The following IFT140 variants were observed in gnomAD, a reference collection of about 807,000 sequenced individuals.
The protein encoded by IFT140 is intraflagellar transport 140, also known as intraflagellar transport protein 140 homolog.
In IFT140, 133 loss-of-function variants were observed where a neutral mutation model predicts 164.6. That is an observed-to-expected ratio of 0.81 (90% CI 0.70 to 0.93). The LOEUF (loss-of-function observed/expected upper bound fraction) is 0.93. Among genes scored for constraint, IFT140 ranks in the 40% least tolerant of loss-of-function variants. The pLI is 0.00. For missense variants in IFT140, 2,045 were observed against 1,972.3 expected (o/e 1.04, Z -0.70); for synonymous variants, 860 against 817.3 (o/e 1.05, Z -0.89).
chr16:1,557,766 T>C (rs2141462468), intron 19 of IFT140, 169 bp downstream of exon 19: 1 of 683,160 alleles, frequency 1.5e-6, no homozygotes. Context: ...CCACGTGGCA[T>C]CTGCAAGCTG....
intron 3 of IFT140, among the ~76,000 whole-genome samples, chr16:1,606,917 C>G (rs980256539): frequency 2.6e-5 from 4 of 151,942 alleles, no homozygotes; most frequent in African/African-American, 9.7e-5. Flanking sequence ...TGCACACACC[C>G]ACGTGTGCGC....
intron 18 of IFT140, among the ~76,000 whole-genome samples, chr16:1,559,444 G>A (rs963401023): frequency 1.3e-5 from 2 of 152,128 alleles, no homozygotes; most frequent in Admixed American, 6.5e-5. Flanking sequence ...AGAGCTGCTG[G>A]ACCCGGATCC....
At chr16:1,528,463 A>C (rs914690974) in intron 19 of IFT140, among the ~76,000 whole-genome samples, 3 of 151,810 alleles carry the variant, frequency 2.0e-5, no homozygotes, top group African/African-American at 7.3e-5. Context: ...ATGCACACAC[A>C]CATGGATGCA....
intron 2 of IFT140, among the ~76,000 whole-genome samples, chr16:1,608,423 G>A (rs2036180614): frequency 6.6e-6 from 1 of 151,778 alleles, no homozygotes; most frequent in South Asian, 2.1e-4. Context: ...GAGCTTAGGA[G>A]TTCGAGACCA....
At chr16:1,546,885 G>A (rs550712699) in intron 19 of IFT140, among the ~76,000 whole-genome samples, 134 of 152,370 alleles carry the variant, frequency 8.8e-4, no homozygotes, top group African/African-American at 3.1e-3. Context: ...CCCCAGGGCA[G>A]CTGTGCTGTC....
intron 24 of IFT140, chr16:1,524,240 G>A (rs1286969471): frequency 8.3e-6 from 5 of 602,174 alleles, no homozygotes; most frequent in Admixed American, 3.2e-5. Context: ...GGTGCAGAAC[G>A]CCCAACAGCT....
At chr16:1,575,442 G>C (rs1440155352) in intron 13 of IFT140, among the ~76,000 whole-genome samples, 1 of 151,856 alleles carries the variant, frequency 6.6e-6, no homozygotes, top group Non-Finnish European at 1.5e-5. Context: ...ATGGTCCCAC[G>C]CTCAGGAGGC....
intron 4 of IFT140, among the ~76,000 whole-genome samples, chr16:1,599,894 C>T (rs1270575523): frequency 1.3e-4 from 14 of 103,998 alleles, no homozygotes; most frequent in African/African-American, 4.7e-4. Flanking sequence ...TCTGCCCGGC[C>T]GCCCCTACTG....
chr16:1,537,037 C>A (rs2031144198), intron 19 of IFT140, among the ~76,000 whole-genome samples: 1 of 152,248 alleles, frequency 6.6e-6, no homozygotes, highest in Non-Finnish European at 1.5e-5. Flanking sequence ...CCAGCCAGCT[C>A]CTAGCGTCTT....
intron 30 of IFT140, 67 bp from the exon 31 acceptor site, chr16:1,511,217 C>CA: frequency 1.4e-6 from 2 of 1,450,282 alleles, no homozygotes; most frequent in Non-Finnish European, 1.9e-6. Flanking sequence ...TGCCTGCAGG[C>CA]CAGGCACGTG....
chr16:1,608,450 G>A (rs909335255), intron 2 of IFT140, among the ~76,000 whole-genome samples: 6 of 151,624 alleles, frequency 4.0e-5, no homozygotes, highest in East Asian at 1.9e-4. Context: ...GCAAAATGGC[G>A]AACGCCACCC....
chr16:1,513,536 CAGCAGCACGACTCCTGTGAG>C (rs1396149450), intron 30 of IFT140, among the ~76,000 whole-genome samples: 1 of 152,070 alleles, frequency 6.6e-6, no homozygotes, highest in South Asian at 2.1e-4. Flanking sequence ...CTTCTGACAA[CAGCAGCACGACTCCTGTGAG>C]AGCAGCCCTC....
In IFT140 at chr16:1,564,171, C is replaced by A; in HGVS notation, c.1902-9G>T. 6.4e-7 allele frequency: 1 copy of A among 1,559,110 alleles called. No homozygotes were observed. The highest frequency in any genetic ancestry group is 1.2e-5 in the South Asian group (1 of 85,930). On this transcript the variant is annotated splice_polypyrimidine_tract_variant and intron_variant, in intron 16 of 30. Coordinates refer to ENST00000426508, the MANE Select transcript of IFT140 (RefSeq NM_014714.4). The surrounding 1 kb of genome is among the most constrained non-coding windows in gnomAD (Gnocchi z 5.5). ...CCACAAAGAGGTGGCTCCTAAAAGA[C>A]AAAGGAAGACCCGTTTCAACCCCAG...
intron 19 of IFT140, chr16:1,541,074 A>G (rs1301913046): frequency 1.0e-6 from 1 of 985,120 alleles, no homozygotes; most frequent in African/African-American, 1.7e-5. Flanking sequence ...CAACAAACGC[A>G]CCTCCCTCTG....
In IFT140 at chr16:1,518,210, C is replaced by A; in HGVS notation, c.4182+6G>T. 6.2e-7 allele frequency: 1 copy of A among 1,607,852 alleles called. No individual in the cohort carries two copies. The highest frequency in any genetic ancestry group is 8.5e-7 in the Non-Finnish European group (1 of 1,178,098). ...ATGCTGCTAGTGAGCAGCACTCAGG[C>A]CTCACCGTCTGGTATTCCTCCTTCC... On this transcript the variant is annotated splice_donor_region_variant and intron_variant, in intron 30 of 30. Coordinates refer to ENST00000426508, the MANE Select transcript of IFT140 (RefSeq NM_014714.4).
At chr16:1,571,291 G>A (rs1002792789) in intron 14 of IFT140, 116 bp downstream of exon 14, 21 of 895,190 alleles carry the variant, frequency 2.3e-5, no homozygotes, top group South Asian at 3.4e-5. Context: ...GTGGCATGTC[G>A]GTGTTAAAAT....
intron 19 of IFT140, among the ~76,000 whole-genome samples, chr16:1,544,943 C>T (rs12445282): frequency 0.053 from 8,007 of 152,318 alleles, 439 homozygotes; most frequent in Admixed American, 0.17. Context: ...CCACGGCACC[C>T]GGCCCAGATC....
At chr16:1,592,079 A>T in intron 6 of IFT140, 97 bp downstream of exon 6, 1 of 1,317,036 alleles carries the variant, frequency 7.6e-7, no homozygotes, top group Non-Finnish European at 1.1e-6. Context: ...TATCACCGTT[A>T]CTGTTCTATG....
intron 19 of IFT140, among the ~76,000 whole-genome samples, chr16:1,544,223 A>T (rs555891149): frequency 2.5e-4 from 36 of 143,432 alleles, no homozygotes; most frequent in Admixed American, 1.5e-3. Flanking sequence ...TCACTCTGTC[A>T]CCCAGGCTGG....
Sources: allele counts gnomAD v4.1 joint callset (sites outside exome capture counted in the v4.1 genomes callset), GRCh38; gene constraint gnomAD v4.1.1; non-coding constraint Gnocchi (gnomAD v3.1); transcripts MANE v1.5; gene names NCBI Gene and HGNC (gene_info 2026-07-23, HGNC 2026-07-21).